The following ACAP3 variants were observed in gnomAD, a reference collection of about 807,000 sequenced individuals.
ACAP3 encodes the protein arf-GAP with coiled-coil, ANK repeat and PH domain-containing protein 3.
A neutral mutation model predicts 104.1 loss-of-function variants in ACAP3; 56 were observed. That is an observed-to-expected ratio of 0.54 (90% CI 0.43 to 0.67). The LOEUF (loss-of-function observed/expected upper bound fraction) is 0.67, where lower values mean the gene tolerates loss of function less well. Ranked by LOEUF, ACAP3 falls within the 30% of genes least tolerant of loss-of-function variation. The pLI, the probability that ACAP3 is intolerant of heterozygous loss-of-function variation, is 0.00. For missense variants in ACAP3, 1,208 were observed against 1,174.9 expected, an observed-to-expected ratio of 1.03 and a Z score of -0.41; for synonymous variants, 628 against 496.2, an observed-to-expected ratio of 1.27 and a Z score of -3.53.
chr1:1,304,224 G>T (rs979306551), intron 1 of ACAP3, 81 bp from the exon 2 acceptor site: 7 of 1,513,562 alleles, frequency 4.6e-6, no homozygotes, highest in Non-Finnish European at 6.3e-6. Context: ...ACCTCCCTGA[G>T]GGGCTCCACC....
chr1:1,298,513 G>A (rs1324459398), intron 11 of ACAP3, 54 bp downstream of exon 11: 5 of 1,060,266 alleles, frequency 4.7e-6, no homozygotes, highest in African/African-American at 2.4e-5. Context: ...ACCCCCGCCT[G>A]AGGACCCCAC....
At position 1,296,116 on chromosome 1, in the gene ACAP3, G is replaced by T. The variant is rs760340522; in HGVS notation, c.1408-7C>A. On this transcript the variant is annotated splice_polypyrimidine_tract_variant and splice_region_variant and intron_variant, in intron 16 of 23. Transcript: ENST00000354700. Reference sequence around the variant, plus strand: ...TTCCAAGCTCACACATCAGCTAGCGGGAGACAGGGCGAGCAGGCATCAGTG... The same window carrying T: ...TTCCAAGCTCACACATCAGCTAGCGTGAGACAGGGCGAGCAGGCATCAGTG... 12 of 1,612,598 alleles carry T rather than the reference G, an allele frequency of 7.4e-6. No individual in the cohort carries two copies. The highest frequency in any genetic ancestry group is 3.3e-5 in the Admixed American group (2 of 59,988).
intron 4 of ACAP3, among the ~76,000 whole-genome samples, chr1:1,302,292 C>A (rs550711935): frequency 1.3e-5 from 2 of 152,012 alleles, no homozygotes; most frequent in African/African-American, 4.8e-5. Flanking sequence ...GAGGCCAAGG[C>A]TGCCTCATCA....
chr1:1,307,223 T>C, intron 1 of ACAP3: 2 of 1,286,954 alleles, frequency 1.6e-6, no homozygotes, highest in Non-Finnish European at 2.0e-6. Flanking sequence ...ACATGCAGAC[T>C]CGGTGTGCAC....
chr1:1,294,067 G>A, intron 22 of ACAP3, 23 bp downstream of exon 22: 1 of 1,544,824 alleles, frequency 6.5e-7, no homozygotes, highest in Non-Finnish European at 8.7e-7. Context: ...GGCACAGGGC[G>A]GGGCGTGGGT....
At chr1:1,295,131 T>C (rs1036861537) in intron 19 of ACAP3, 6 of 546,990 alleles carry the variant, frequency 1.1e-5, no homozygotes, top group African/African-American at 7.6e-5. Flanking sequence ...CAGGCTGAAA[T>C]GTCTCCACCC....
chr1:1,299,757 G>A (rs1179589228), intron 9 of ACAP3, 74 bp downstream of exon 9: 3 of 1,454,142 alleles, frequency 2.1e-6, no homozygotes, highest in Non-Finnish European at 2.8e-6. Flanking sequence ...CGGGGAGGGT[G>A]TGCCGGGCAT....
Position 1,294,113 on chromosome 1 carries a change from G to A in ACAP3, c.2226C>T (p.His742=), listed in dbSNP as rs767655896. ...ACCCGGTGCGGCCCAGCAGCGTGGC[G>A]TGGTGCAGGGGCGCCCGGCCCCGGC... is the stretch of plus-strand genomic sequence containing the variant. ...RDSRGRAPLH[H]ATLLGRTGQV... Residue 742 remains histidine (H), a synonymous_variant, in exon 22 of 24, where the codon CAC becomes CAT. Transcript: ENST00000354700. 8.2e-6 allele frequency: 13 copies of A among 1,586,134 alleles called. No homozygotes were observed. Among genetic ancestry groups the A allele is most frequent in the East Asian group, 2.3e-5 (1 of 43,678 alleles).
At chr1:1,301,904 C>T in intron 5 of ACAP3, 84 bp downstream of exon 5, 1 of 1,345,212 alleles carries the variant, frequency 7.4e-7, no homozygotes, top group South Asian at 1.6e-5. Context: ...CCCAAGGTGC[C>T]TCTGCTCTGC....
chr1:1,302,986 A>G lies in ACAP3; in HGVS notation c.226-11T>C. The stretch of plus-strand genomic sequence containing the variant: ...CCTCTGCAGACATTCCTGGAGGAGC[A>G]GATGGGAACCCGTGCTGAGATGGCA... On this transcript the variant is annotated splice_polypyrimidine_tract_variant and intron_variant, in intron 3 of 23. Transcript: ENST00000354700. The G allele has an allele frequency of 6.2e-7, 1 of 1,609,136 alleles. No individual in the cohort carries two copies. Among genetic ancestry groups the G allele is most frequent in the Admixed American group, 1.7e-5 (1 of 59,758 alleles).
rs968515215 is a variant in ACAP3, at chr1:1,304,058, C to T, written c.105+28G>A. On this transcript the variant is annotated intron_variant, in intron 2 of 23. Transcript: ENST00000354700. Reference sequence around the variant, plus strand: ...TGTGGCCATCCCAAGCTTGGCCGGGCACAGGGCGCTCCAGGCCCGCCCTTC... The same window carrying T: ...TGTGGCCATCCCAAGCTTGGCCGGGTACAGGGCGCTCCAGGCCCGCCCTTC... 1.9e-6 allele frequency: 3 copies of T among 1,550,112 alleles called. No individual in the cohort carries two copies. In the African/African-American group the frequency reaches 4.1e-5, roughly 21 times the overall value.
chr1:1,294,944 A>G, intron 19 of ACAP3, 128 bp from the exon 20 acceptor site: 1 of 869,074 alleles, frequency 1.2e-6, no homozygotes, highest in Non-Finnish European at 1.8e-6. Context: ...GCTCCCACCC[A>G]GGGCCGGGGG....
At position 1,297,862 on chromosome 1, in the gene ACAP3, G is replaced by T; in HGVS notation, c.1088C>A (p.Ala363Asp). The change falls in exon 14 of 24, where the codon GCC (alanine) becomes GAC (aspartate). Residue 363 changes from alanine (A) to aspartate (D), a missense_variant. Transcript: ENST00000354700. Reference sequence around the variant, plus strand: ...GTCAGGGCTCTCGCGGTAGGCGGAGGCGATGCTGGCCTGCACAGCCTGGAC... The same window carrying T: ...GTCAGGGCTCTCGCGGTAGGCGGAGTCGATGCTGGCCTGCACAGCCTGGAC... ...AWVQAVQASIASAYRESPDSC... is the reference protein window; with the variant it reads ...AWVQAVQASIDSAYRESPDSC... 1 of 1,611,922 alleles carries T rather than the reference G, an allele frequency of 6.2e-7. No homozygotes were observed. The highest frequency in any genetic ancestry group is 8.5e-7 in the Non-Finnish European group (1 of 1,179,442).
Position 1,303,056 on chromosome 1 carries a change from C to T in ACAP3, c.226-81G>A, listed in dbSNP as rs1004751517. On this transcript the variant is annotated intron_variant, in intron 3 of 23. Coordinates refer to ENST00000354700, the MANE Select transcript of ACAP3 (RefSeq NM_030649.3). This position sits in a 1 kb window ranked among gnomAD's most constrained non-coding sequence, Gnocchi z 4.0. ...CAGCCACGCCCTCTGAGCCCCTGGG[C>T]GGTGCAGACACCGGCCTGCTTCTGG... The T allele has an allele frequency of 2.2e-5, 34 of 1,556,790 alleles. No homozygotes were observed. Among genetic ancestry groups the T allele is most frequent in the East Asian group, 1.2e-4 (5 of 41,972 alleles).
chr1:1,303,397 G>T lies in ACAP3; in HGVS notation c.106-116C>A. On this transcript the variant is annotated intron_variant, in intron 2 of 23. Coordinates refer to ENST00000354700, the MANE Select transcript of ACAP3 (RefSeq NM_030649.3). The surrounding 1 kb of genome is among the most constrained non-coding windows in gnomAD (Gnocchi z 4.0). ...AGGGTAGGTTCCACTCAGGGCGTTG[G>T]CACTCAGGACTCAGTGCCCCGGTGC... 1 of 1,218,514 alleles carries T rather than the reference G, an allele frequency of 8.2e-7. No individual in the cohort carries two copies. The highest frequency in any genetic ancestry group is 1.1e-6 in the Non-Finnish European group (1 of 938,672). 75.5% of individuals were successfully genotyped at this position (1,218,514 alleles called of 1,614,324 possible). A position where few individuals can be genotyped will look rare whatever the true frequency, so the allele number is the denominator to read the frequency against.
rs978641812 is a variant in ACAP3 at position 1,304,066 on chromosome 1, G to C, written c.105+20C>G. 12 of 1,550,204 alleles carry C rather than the reference G, an allele frequency of 7.7e-6. No individual in the cohort carries two copies. In the African/African-American group the frequency reaches 1.5e-4, roughly 19 times the overall value. ...TCCCAAGCTTGGCCGGGCACAGGGC[G>C]CTCCAGGCCCGCCCTTCACCTTGTC... is the stretch of plus-strand genomic sequence containing the variant. On this transcript the variant is annotated intron_variant, in intron 2 of 23. Transcript: ENST00000354700.
chr1:1,307,626 C>A (rs1389069831), intron 1 of ACAP3, 143 bp downstream of exon 1: 14 of 947,468 alleles, frequency 1.5e-5, no homozygotes, highest in Non-Finnish European at 1.8e-5. Flanking sequence ...GCGGGGCCGC[C>A]GCTTTGTCCG....
At chr1:1,302,795 T>TC (rs34915340) in intron 4 of ACAP3, 127 bp downstream of exon 4, 31,643 of 166,344 alleles carry the variant, frequency 0.19, 3,347 homozygotes, top group Non-Finnish European at 0.26. Context: ...AATGTGGGAT[T>TC]CCCCCCCCCC....
rs538140877 is a variant in ACAP3, at chr1:1,304,108, T to G, written c.83A>C (p.Glu28Ala). The change falls in exon 2 of 24, where the codon GAG becomes GCG. Residue 28 changes from glutamate (E) to alanine (A), a missense_variant. Coordinates refer to ENST00000354700, the MANE Select transcript of ACAP3 (RefSeq NM_030649.3). ...TIDEVETDVV[E>A]IEAKLDKLVK... ...CACCTTGTCCAGTTTGGCCTCAATC[T>G]CCACCACGTCCGTCTCCACCTCGTC... 6.4e-7 allele frequency: 1 copy of G among 1,550,626 alleles called. No homozygotes were observed. The highest frequency in any genetic ancestry group is 2.4e-5 in the East Asian group (1 of 40,916).
Sources: allele counts gnomAD v4.1 joint callset (sites outside exome capture counted in the v4.1 genomes callset), GRCh38; gene constraint gnomAD v4.1.1; non-coding constraint Gnocchi (gnomAD v3.1); transcripts MANE v1.5; gene names NCBI Gene and HGNC (gene_info 2026-07-23, HGNC 2026-07-21).